ABLIM1: variants seen among roughly 807,000 people sequenced by gnomAD.
ABLIM1 encodes actin-binding LIM protein 1.
A neutral mutation model predicts 107.0 loss-of-function variants in ABLIM1; 40 were observed. The ratio of observed to expected loss-of-function variants is 0.37; its 90% CI spans 0.29 to 0.49. ABLIM1 has a LOEUF of 0.49. Among genes scored for constraint, ABLIM1 ranks in the 20% least tolerant of loss-of-function variants. The probability of loss-of-function intolerance (pLI) is 0.97; values close to 1 mark genes in which losing one functional copy is unlikely to be tolerated. For missense variants in ABLIM1, 857 were observed against 1,008.5 expected (o/e 0.85, Z 2.04); for synonymous variants, 357 against 357.3 (o/e 1.00, Z 0.01).
chr10:114,750,269 A>G (rs2082481611), intron 1 of ABLIM1, among the ~76,000 whole-genome samples: 1 of 152,252 alleles, frequency 6.6e-6, no homozygotes, highest in Non-Finnish European at 1.5e-5. Context: ...CTGTCAAATT[A>G]TCTCCACTAT....
intron 1 of ABLIM1, among the ~76,000 whole-genome samples, chr10:114,703,118 T>C (rs1414326713): frequency 1.3e-5 from 2 of 152,166 alleles, no homozygotes; most frequent in African/African-American, 2.4e-5. Flanking sequence ...TTTTGATACA[T>C]GGAATCGCCT....
chr10:114,499,620 C>T (rs2497701), intron 6 of ABLIM1, among the ~76,000 whole-genome samples: 46,363 of 151,892 alleles, frequency 0.31, 7,611 homozygotes, highest in East Asian at 0.63. Flanking sequence ...ATATGAGTGT[C>T]TTTATTTTAT....
intron 1 of ABLIM1, among the ~76,000 whole-genome samples, chr10:114,748,393 A>T (rs1024776481): frequency 6.6e-6 from 1 of 152,150 alleles, no homozygotes; most frequent in Non-Finnish European, 1.5e-5. Context: ...CAATTTTGCA[A>T]GTATGCTTCT....
chr10:114,533,635 A>G (rs2497715), intron 6 of ABLIM1, among the ~76,000 whole-genome samples: 3,308 of 152,258 alleles, frequency 0.022, 102 homozygotes, highest in African/African-American at 0.075. Context: ...TGGCCATTTA[A>G]TACTGTGGGT....
intron 1 of ABLIM1, among the ~76,000 whole-genome samples, chr10:114,711,548 A>C (rs1046925270): frequency 9.2e-5 from 14 of 152,206 alleles, no homozygotes; most frequent in African/African-American, 2.9e-4. Context: ...CAGATGTTAC[A>C]ATCAAACTGG....
Position 114,431,652 on chromosome 10 carries a change from T to C in ABLIM1, c.*4608A>G, listed in dbSNP as rs1330658992. 1 of 152,196 alleles carries C rather than the reference T, an allele frequency of 6.6e-6. No homozygotes were observed. The highest frequency in any genetic ancestry group is 1.5e-5 in the Non-Finnish European group (1 of 68,044). The allele number at this position is 152,196 out of a possible 1,614,324, so 9.4% of individuals were successfully genotyped here. A position where few individuals can be genotyped will look rare whatever the true frequency, so the allele number is the denominator to read the frequency against. On this transcript the variant is annotated 3_prime_UTR_variant, in exon 23 of 23. Transcript: ENST00000533213. ...TTTCTGAATGTCAAGGTCTACAGGA[T>C]TGTCTCTGTCCACCTTTGGTCAATG...
chr10:114,664,037 T>C (rs556420466), intron 1 of ABLIM1, among the ~76,000 whole-genome samples: 1 of 152,334 alleles, frequency 6.6e-6, no homozygotes, highest in South Asian at 2.1e-4. Flanking sequence ...GTCAATTTAC[T>C]AGGAAATCTC....
intron 2 of ABLIM1, 24 bp from the exon 3 acceptor site, chr10:114,575,623 T>C (rs748746100): frequency 7.5e-6 from 12 of 1,604,068 alleles, no homozygotes; most frequent in African/African-American, 1.3e-5. Context: ...AGTTCACATC[T>C]GGTCATTATC....
At chr10:114,635,772 T>C (rs1323106649) in intron 1 of ABLIM1, among the ~76,000 whole-genome samples, 1 of 152,230 alleles carries the variant, frequency 6.6e-6, no homozygotes, top group African/African-American at 2.4e-5. Flanking sequence ...TCTGCCTGCC[T>C]TGGCCTCTCA....
At position 114,586,939 on chromosome 10, in the gene ABLIM1, A is replaced by G. The variant is rs117975876; in HGVS notation, c.380-11340T>C. 2.6e-4 allele frequency among the ~76,000 whole-genome samples: 40 copies of G among 152,332 alleles called. 1 individual carries two copies. In the East Asian group the frequency reaches 7.5e-3, roughly 29 times the overall value. ...AATACAATTTTTCCTAAAAAAATGA[A>G]ACATAGAAAACCCTTAATCTGTATC... is the stretch of plus-strand genomic sequence containing the variant. On this transcript the variant is annotated intron_variant, in intron 2 of 22. Transcript: ENST00000533213.
chr10:114,632,481 G>C, intron 1 of ABLIM1: 1 of 979,962 alleles, frequency 1.0e-6, no homozygotes, highest in Non-Finnish European at 1.2e-6. Context: ...AAATAAAATT[G>C]GCCTTAATGT....
intron 6 of ABLIM1, among the ~76,000 whole-genome samples, chr10:114,495,586 ATAT>A (rs1323807493): frequency 5.3e-5 from 8 of 152,024 alleles, no homozygotes; most frequent in Admixed American, 1.3e-4. Context: ...GGTAATGATG[ATAT>A]TGTGGTGACG....
At chr10:114,526,525 G>C in intron 6 of ABLIM1, 1 of 559,300 alleles carries the variant, frequency 1.8e-6, no homozygotes. Flanking sequence ...CAATAAAAGT[G>C]ACTTCTGTCG....
chr10:114,597,250 A>G lies in ABLIM1; in HGVS notation c.379+4577T>C, dbSNP rs143407174. On this transcript the variant is annotated intron_variant, in intron 2 of 22. Transcript: ENST00000533213. ...GACTGCTATTGCTGCTGGGACTTAT[A>G]AAAAGTAAAGACGCTAAGGAAATTC... 2.0e-3 allele frequency among the ~76,000 whole-genome samples: 311 copies of G among 152,314 alleles called. 2 individuals carry two copies. The highest frequency in any genetic ancestry group is 7.2e-3 in the African/African-American group (300 of 41,568).
intron 6 of ABLIM1, among the ~76,000 whole-genome samples, chr10:114,531,357 A>C (rs535157413): frequency 1.3e-5 from 2 of 152,212 alleles, no homozygotes; most frequent in African/African-American, 4.8e-5. Flanking sequence ...CATTGCCCAC[A>C]TCGTAATAAT....
intron 14 of ABLIM1, among the ~76,000 whole-genome samples, chr10:114,450,306 T>C (rs1016293235): frequency 4.0e-5 from 6 of 151,874 alleles, no homozygotes; most frequent in African/African-American, 1.2e-4. Context: ...AAATCATAGC[T>C]CTAGAACCAT....
chr10:114,570,738 G>A (rs11196790), intron 4 of ABLIM1, among the ~76,000 whole-genome samples: 58,768 of 151,040 alleles, frequency 0.39, 13,090 homozygotes, highest in Non-Finnish European at 0.51. Context: ...CCTCCCAAGT[G>A]GTTGGGACTA....
chr10:114,755,935 G>A (rs1489282500), intron 1 of ABLIM1, among the ~76,000 whole-genome samples: 3 of 152,004 alleles, frequency 2.0e-5, no homozygotes, highest in Admixed American at 1.3e-4. Flanking sequence ...TTAGAAGGTC[G>A]AGACACTCTC....
chr10:114,439,496 C>T, intron 20 of ABLIM1: 1 of 585,562 alleles, frequency 1.7e-6, no homozygotes, highest in Non-Finnish European at 3.0e-6. Flanking sequence ...CTGAATTAGG[C>T]TCCATGAATG....
Sources: allele counts gnomAD v4.1 joint callset (sites outside exome capture counted in the v4.1 genomes callset), GRCh38; gene constraint gnomAD v4.1.1; transcripts MANE v1.5; gene names NCBI Gene and HGNC (gene_info 2026-07-23, HGNC 2026-07-21).